The following GRIK1 variants were observed in gnomAD, a reference collection of about 807,000 sequenced individuals.
GRIK1 encodes the protein glutamate ionotropic receptor kainate type subunit 1.
Under a neutral mutation model 105.7 loss-of-function variants are expected in GRIK1, and 69 were observed. The observed-to-expected ratio is 0.65, with a 90% CI of 0.54 to 0.80. The LOEUF is 0.80. GRIK1 is among the 30% of genes least tolerant of loss of function. The probability of loss-of-function intolerance (pLI) is 0.00; values close to 1 mark genes in which losing one functional copy is unlikely to be tolerated. For synonymous variants in GRIK1, 438 were observed against 431.3 expected, an observed-to-expected ratio of 1.02 and a Z score of -0.19; for missense variants, 1,109 against 1,167.3, an observed-to-expected ratio of 0.95 and a Z score of 0.73.
chr21:29,571,970 G>A (rs1301012484), intron 14 of GRIK1, among the ~76,000 whole-genome samples: 1 of 152,130 alleles, frequency 6.6e-6, no homozygotes, highest in Non-Finnish European at 1.5e-5. Flanking sequence ...TTAGGCAAAG[G>A]TAGTTTCCTT....
At chr21:29,575,937 A>G (rs747553296) in intron 14 of GRIK1, among the ~76,000 whole-genome samples, 5 of 152,212 alleles carry the variant, frequency 3.3e-5, no homozygotes, top group Non-Finnish European at 7.3e-5. Context: ...CATTTTTGGT[A>G]ATCTGAATAT....
At chr21:29,741,935 G>C (rs555062478) in intron 1 of GRIK1, among the ~76,000 whole-genome samples, 1 of 152,304 alleles carries the variant, frequency 6.6e-6, no homozygotes, top group African/African-American at 2.4e-5. Context: ...CTGAGAGAAG[G>C]AAACAGAGTC....
At chr21:29,692,393 A>G (rs548895511) in intron 2 of GRIK1, among the ~76,000 whole-genome samples, 1 of 152,324 alleles carries the variant, frequency 6.6e-6, no homozygotes, top group Admixed American at 6.5e-5. Flanking sequence ...TCTCTACATT[A>G]TAGAGATAAT....
chr21:29,688,838 G>A (rs1408393049), intron 3 of GRIK1, among the ~76,000 whole-genome samples: 1 of 152,120 alleles, frequency 6.6e-6, no homozygotes, highest in Non-Finnish European at 1.5e-5. Flanking sequence ...ATCATCCAAA[G>A]TGAGGTGCCA....
At chr21:29,778,228 A>G (rs993413383) in intron 1 of GRIK1, among the ~76,000 whole-genome samples, 1 of 152,190 alleles carries the variant, frequency 6.6e-6, no homozygotes. Flanking sequence ...ATTTTGTGTT[A>G]TATGCTCTTA....
Position 29,587,466 on chromosome 21 carries a change from G to A in GRIK1, c.1693C>T (p.Pro565Ser). The part of the protein sequence containing the change: ...ILYRKPNGTN[P>S]GVFSFLNPLS... ...GGGTTGAGGAAGGAGAAAACGCCTG[G>A]ATTGGTACCATTGGGCTTCCGGTAG... The change falls in exon 12 of 18, where the codon CCA becomes TCA. Residue 565 changes from proline (P) to serine (S), a missense_variant. Transcript: ENST00000327783. The A allele has an allele frequency of 5.0e-6, 8 of 1,613,178 alleles. No homozygotes were observed. Among genetic ancestry groups the A allele is most frequent in the Non-Finnish European group, 5.9e-6 (7 of 1,179,172 alleles).
chr21:29,565,915 G>T (rs1246584964), intron 14 of GRIK1, among the ~76,000 whole-genome samples: 1 of 152,200 alleles, frequency 6.6e-6, no homozygotes, highest in Non-Finnish European at 1.5e-5. Context: ...GAGGGTTAGT[G>T]GAAGAGACAG....
intron 1 of GRIK1, among the ~76,000 whole-genome samples, chr21:29,713,090 C>T (rs761645435): frequency 2.6e-5 from 4 of 152,090 alleles, no homozygotes; most frequent in Non-Finnish European, 5.9e-5. Flanking sequence ...CCCAAGCCAT[C>T]AGACTTAAAG....
At chr21:29,884,434 G>A (rs901240856) in intron 1 of GRIK1, among the ~76,000 whole-genome samples, 1 of 151,896 alleles carries the variant, frequency 6.6e-6, no homozygotes, top group African/African-American at 2.4e-5. Context: ...TTCCATATGA[G>A]GACTTTCGTC....
chr21:29,928,410 G>T (rs1012105201), intron 1 of GRIK1, among the ~76,000 whole-genome samples: 1 of 152,202 alleles, frequency 6.6e-6, no homozygotes, highest in Non-Finnish European at 1.5e-5. Flanking sequence ...TGGAGTCATG[G>T]TAGGAGGACA....
intron 1 of GRIK1, among the ~76,000 whole-genome samples, chr21:29,793,770 G>C (rs565657547): frequency 1.3e-5 from 2 of 152,184 alleles, no homozygotes; most frequent in East Asian, 1.9e-4. Context: ...TTAAATAAAG[G>C]CTCAGAAAAT....
chr21:29,900,102 A>C (rs868390707), intron 1 of GRIK1, among the ~76,000 whole-genome samples: 2 of 151,640 alleles, frequency 1.3e-5, no homozygotes, highest in African/African-American at 4.8e-5. Context: ...AAAAAAAAGA[A>C]AATAAAAAGA....
At chr21:29,592,038 G>A (rs528315734) in intron 9 of GRIK1, among the ~76,000 whole-genome samples, 89 of 152,154 alleles carry the variant, frequency 5.8e-4, no homozygotes, top group African/African-American at 2.1e-3. Context: ...GTGACAGAGC[G>A]AGACACTGAA....
At chr21:29,912,148 C>T (rs566556320) in intron 1 of GRIK1, among the ~76,000 whole-genome samples, 8 of 152,194 alleles carry the variant, frequency 5.3e-5, no homozygotes, top group African/African-American at 9.6e-5. Context: ...GCAGGAGCAT[C>T]GCCATCTTGC....
intron 2 of GRIK1, among the ~76,000 whole-genome samples, chr21:29,693,625 C>A (rs1017901952): frequency 1.3e-5 from 2 of 152,120 alleles, no homozygotes; most frequent in Non-Finnish European, 2.9e-5. Flanking sequence ...ACAGATCAAG[C>A]TTGACATTTT....
chr21:29,587,670 T>C, intron 11 of GRIK1, 81 bp from the exon 12 acceptor site: 1 of 743,426 alleles, frequency 1.3e-6, no homozygotes, highest in African/African-American at 1.8e-5. Context: ...CTCCTGATTC[T>C]TATTCTCAAC....
At chr21:29,749,776 A>G (rs999635880) in intron 1 of GRIK1, among the ~76,000 whole-genome samples, 1 of 152,244 alleles carries the variant, frequency 6.6e-6, no homozygotes, top group African/African-American at 2.4e-5. Context: ...TTTCAACTAT[A>G]AAATTTATTA....
chr21:29,759,127 T>G (rs1268987020), intron 1 of GRIK1: 1 of 143,272 alleles, frequency 7.0e-6, no homozygotes. Flanking sequence ...TTTTCTTTTC[T>G]TTTTTTTTTG....
At chr21:29,878,372 G>C (rs541685623) in intron 1 of GRIK1, among the ~76,000 whole-genome samples, 1 of 152,240 alleles carries the variant, frequency 6.6e-6, no homozygotes, top group East Asian at 1.9e-4. Flanking sequence ...ATGTAAAGGA[G>C]GTTAGAGTGC....
Sources: gnomAD v4.1 joint callset for allele counts (sites outside exome capture counted in the v4.1 genomes callset) on GRCh38, gnomAD v4.1.1 for gene constraint, MANE v1.5 for transcripts, NCBI Gene and HGNC (gene_info 2026-07-23, HGNC 2026-07-21) for gene names.